SHQ1: variants seen among roughly 807,000 people sequenced by gnomAD.
SHQ1 encodes the protein protein SHQ1 homolog.
A neutral mutation model predicts 53.8 loss-of-function variants in SHQ1; 49 were observed. The observed-to-expected ratio is 0.91, with a 90% confidence interval of 0.72 to 1.16. The LOEUF is 1.16. Ranked by LOEUF, SHQ1 falls within the 50% of genes most tolerant of loss-of-function variation. SHQ1 has a pLI of 0.00. For missense variants in SHQ1, 738 were observed against 683.1 expected, an observed-to-expected ratio of 1.08 and a Z score of -0.90; for synonymous variants, 243 against 251.0, an observed-to-expected ratio of 0.97 and a Z score of 0.30.
chr3:72,835,000 C>T (rs989091168), intron 4 of SHQ1, among the ~76,000 whole-genome samples: 5 of 152,102 alleles, frequency 3.3e-5, no homozygotes, highest in African/African-American at 1.2e-4. Context: ...GGGCTACACT[C>T]CTTTCTAGAG....
chr3:72,769,045 G>A (rs748074578), intron 10 of SHQ1, among the ~76,000 whole-genome samples: 1 of 152,212 alleles, frequency 6.6e-6, no homozygotes, highest in Non-Finnish European at 1.5e-5. Context: ...GGAAAAAAGT[G>A]CAGGTCCTTT....
chr3:72,842,317 T>C lies in SHQ1; in HGVS notation c.294A>G (p.Arg98=), dbSNP rs1393741487. Residue 98 remains arginine (R), a synonymous_variant, in exon 3 of 11, where the codon AGA becomes AGG. Coordinates refer to ENST00000325599, the MANE Select transcript of SHQ1 (RefSeq NM_018130.3). ...CAAGTGGTTTTGCTGTCCTGGATTT[T>C]CTTGGTGCCAGAAGAGCAGTTAACA... ...LNMLTALLAP[R]KSRTAKPLVE... 1 of 1,613,826 alleles carries C rather than the reference T, an allele frequency of 6.2e-7. No individual in the cohort carries two copies. The highest frequency in any genetic ancestry group is 1.3e-5 in the African/African-American group (1 of 74,920).
intron 9 of SHQ1, among the ~76,000 whole-genome samples, chr3:72,806,210 A>AGGAGAATCC (rs1352610555): frequency 6.6e-6 from 1 of 152,204 alleles, no homozygotes; most frequent in Non-Finnish European, 1.5e-5. Flanking sequence ...GCCTCATGGA[A>AGGAGAATCC]GGAGAATCCG....
Position 72,812,925 on chromosome 3 carries a change from A to T in SHQ1, c.937-131T>A. On this transcript the variant is annotated intron_variant, in intron 8 of 10. Transcript: ENST00000325599. ...ATCATTGTGAAGCCAAGTAGAAGAG[A>T]AACATAAAACCATGAAATAAGATTC... 3.3e-6 allele frequency: 3 copies of T among 896,770 alleles called. No homozygotes were observed. The South Asian group carries it at 5.2e-5, about 16-fold the overall frequency. The allele number at this position is 896,770 out of a possible 1,614,324, so 55.6% of individuals were successfully genotyped here. A position where few individuals can be genotyped will look rare whatever the true frequency, so the allele number is the denominator to read the frequency against.
At chr3:72,728,738 T>G in the SHQ1 span, among the ~76,000 whole-genome samples, 2 of 152,156 alleles carry the variant, frequency 1.3e-5, no homozygotes, top group Non-Finnish European at 2.9e-5. Context: ...GAGGCACAAG[T>G]TAGGAAGCAA....
intron 9 of SHQ1, 67 bp from the exon 10 acceptor site, chr3:72,793,103 A>G: frequency 4.3e-6 from 6 of 1,394,666 alleles, no homozygotes; most frequent in South Asian, 1.3e-5. Flanking sequence ...GAGAGGTAAT[A>G]TATCTAAAGC....
At chr3:72,745,063 CATT>C (rs1325472473), downstream of SHQ1, among the ~76,000 whole-genome samples, 1 of 151,798 alleles carries the variant, frequency 6.6e-6, no homozygotes, top group East Asian at 1.9e-4. Context: ...GTTTTGTCAT[CATT>C]GACTATATAA....
At chr3:72,784,024 C>T (rs1277888343) in intron 10 of SHQ1, among the ~76,000 whole-genome samples, 2 of 151,876 alleles carry the variant, frequency 1.3e-5, no homozygotes, top group African/African-American at 4.8e-5. Flanking sequence ...ACAAATATAT[C>T]ATTCCAATAT....
At chr3:72,846,166 A>G (rs1467844182) in intron 1 of SHQ1, 2 of 1,517,978 alleles carry the variant, frequency 1.3e-6, no homozygotes, top group East Asian at 2.5e-5. Context: ...CCTAAACTCT[A>G]TAAGCCTAGA....
rs1372925082 is a variant in SHQ1, at chr3:72,751,496, G to GTACATA, written c.1182-661_1182-660insTATGTA. 3.5e-3 allele frequency among the ~76,000 whole-genome samples: 406 copies of GTACATA among 117,098 alleles called. 25 individuals are homozygous for GTACATA. Among genetic ancestry groups the GTACATA allele is most frequent in the African/African-American group, 7.8e-3 (182 of 23,344 alleles). 76.8% of individuals were successfully genotyped at this position (117,098 alleles called of 152,430 possible). On this transcript the variant is annotated intron_variant, in intron 10 of 10. Transcript: ENST00000325599. ...CACATATGTGTGTGTGTGTGTGTGT[G>GTACATA]TGTGTGTGTGTGTATATATATATAT...
intron 5 of SHQ1, among the ~76,000 whole-genome samples, chr3:72,827,583 A>G (rs1442213121): frequency 2.0e-5 from 3 of 152,056 alleles, no homozygotes; most frequent in East Asian, 1.9e-4. Context: ...TTTGAGTAAA[A>G]TTTCACTAAT....
chr3:72,745,943 A>C (rs551775374), downstream of SHQ1, among the ~76,000 whole-genome samples: 58 of 151,858 alleles, frequency 3.8e-4, no homozygotes, highest in African/African-American at 1.4e-3. Flanking sequence ...CCCAGGTTCA[A>C]GTGATTCTCC....
intron 10 of SHQ1, among the ~76,000 whole-genome samples, chr3:72,755,660 A>G (rs1179629953): frequency 2.0e-5 from 3 of 152,234 alleles, no homozygotes; most frequent in African/African-American, 7.2e-5. Context: ...TTAAGCCATG[A>G]AAGAGTAGCT....
chr3:72,753,002 T>C, intron 10 of SHQ1: 4 of 985,462 alleles, frequency 4.1e-6, no homozygotes, highest in Non-Finnish European at 4.8e-6. Context: ...AGATTTATAA[T>C]ATTACATTGT....
chr3:72,762,961 C>T (rs1007238941), intron 10 of SHQ1, among the ~76,000 whole-genome samples: 1 of 151,582 alleles, frequency 6.6e-6, no homozygotes, highest in Non-Finnish European at 1.5e-5. Flanking sequence ...CCACCAAGCC[C>T]GGCCTGTTTC....
At chr3:72,835,591 C>A (rs1243171688) in intron 4 of SHQ1, among the ~76,000 whole-genome samples, 2 of 152,084 alleles carry the variant, frequency 1.3e-5, no homozygotes, top group Non-Finnish European at 2.9e-5. Context: ...CCGACATAAC[C>A]CCAGAAATTT....
At chr3:72,749,141 T>A (rs1266198956), downstream of SHQ1, 2 of 183,770 alleles carry the variant, frequency 1.1e-5, no homozygotes, top group Non-Finnish European at 2.3e-5. Context: ...TTGGTGGGAA[T>A]GTAAAATGGT....
intron 10 of SHQ1, among the ~76,000 whole-genome samples, chr3:72,786,609 T>C (rs1402002538): frequency 2.0e-5 from 3 of 152,202 alleles, no homozygotes; most frequent in Non-Finnish European, 4.4e-5. Flanking sequence ...TGGAAGCCTT[T>C]TCCTACAGCC....
chr3:72,832,749 T>TA (rs1258700802), intron 4 of SHQ1, among the ~76,000 whole-genome samples: 1 of 152,112 alleles, frequency 6.6e-6, no homozygotes, highest in Non-Finnish European at 1.5e-5. Context: ...AAGTTTAACA[T>TA]AAAAAACAGA....
Sources: allele counts gnomAD v4.1 joint callset (sites outside exome capture counted in the v4.1 genomes callset), GRCh38; gene constraint gnomAD v4.1.1; transcripts MANE v1.5; gene names NCBI Gene and HGNC (gene_info 2026-07-23, HGNC 2026-07-21).